The following ANTXR2 variants were observed in gnomAD, a reference collection of about 807,000 sequenced individuals.
ANTXR2 encodes ANTXR cell adhesion molecule 2.
A neutral mutation model predicts 73.7 loss-of-function variants in ANTXR2; 44 were observed. That is an observed-to-expected ratio of 0.60 (90% CI 0.47 to 0.77). The LOEUF is 0.77. ANTXR2 is among the 30% of genes least tolerant of loss of function. ANTXR2 has a pLI of 0.00. For missense variants in ANTXR2, 604 were observed against 592.5 expected (o/e 1.02, Z -0.20); for synonymous variants, 217 against 205.9 (o/e 1.05, Z -0.46).
intron 16 of ANTXR2, among the ~76,000 whole-genome samples, chr4:79,962,207 A>G (rs181717099): frequency 3.3e-5 from 5 of 152,300 alleles, no homozygotes; most frequent in Non-Finnish European, 1.5e-5. Context: ...AGTTCATGAT[A>G]TACACAGTGA....
intron 16 of ANTXR2, among the ~76,000 whole-genome samples, chr4:79,951,082 T>C (rs1454152791): frequency 6.6e-6 from 1 of 152,166 alleles, no homozygotes; most frequent in Admixed American, 6.6e-5. Flanking sequence ...AGATAATACT[T>C]GTAGGAAAAC....
At chr4:79,957,488 C>T (rs1248662117) in intron 16 of ANTXR2, among the ~76,000 whole-genome samples, 1 of 151,926 alleles carries the variant, frequency 6.6e-6, no homozygotes, top group Non-Finnish European at 1.5e-5. Flanking sequence ...TTGTAGAAAA[C>T]TTAAGAATAT....
intron 16 of ANTXR2, among the ~76,000 whole-genome samples, chr4:79,935,318 A>G (rs1317408438): frequency 2.2e-5 from 1 of 45,970 alleles, no homozygotes; most frequent in Non-Finnish European, 4.6e-5. Context: ...CACCCTCTCC[A>G]TTACTCCCTC....
At chr4:79,912,619 T>C (rs1165269846) in intron 16 of ANTXR2, among the ~76,000 whole-genome samples, 2 of 152,180 alleles carry the variant, frequency 1.3e-5, no homozygotes, top group South Asian at 2.1e-4. Context: ...AAGCAAAGTA[T>C]ATAAAAAATG....
chr4:79,990,383 C>CAAA (rs70944757), intron 12 of ANTXR2, among the ~76,000 whole-genome samples: 6,749 of 76,878 alleles, frequency 0.088, 851 homozygotes, highest in East Asian at 0.45. Flanking sequence ...ACAACAGTTA[C>CAAA]AAAAAAAAAA....
rs966157064 is a variant in ANTXR2, at chr4:80,052,953, A to G, written c.636+1319T>C. ...TTTGGAAACAATCCATCATCTGGGTAATTCTGAGCTAAACCTTTTAGATAT... is the reference window on the plus strand; with the variant it reads ...TTTGGAAACAATCCATCATCTGGGTGATTCTGAGCTAAACCTTTTAGATAT... On this transcript the variant is annotated intron_variant, in intron 7 of 16. Coordinates refer to ENST00000403729, the MANE Select transcript of ANTXR2 (RefSeq NM_058172.6). Among the ~76,000 whole-genome samples, 3 of 151,618 alleles carry G rather than the reference A, an allele frequency of 2.0e-5. 1 individual carries two copies. Among genetic ancestry groups the G allele is most frequent in the African/African-American group, 7.2e-5 (3 of 41,384 alleles).
chr4:79,913,612 T>C (rs1727232065), intron 16 of ANTXR2, among the ~76,000 whole-genome samples: 1 of 152,192 alleles, frequency 6.6e-6, no homozygotes, highest in Non-Finnish European at 1.5e-5. Context: ...ATAGAATATT[T>C]ATACCTCAGG....
chr4:80,014,847 C>A (rs761359430), intron 11 of ANTXR2, among the ~76,000 whole-genome samples: 1 of 152,142 alleles, frequency 6.6e-6, no homozygotes, highest in Non-Finnish European at 1.5e-5. Flanking sequence ...AGAAAGTTTA[C>A]TTTTCCTTTA....
chr4:80,036,073 T>A, intron 7 of ANTXR2, 41 bp from the exon 8 acceptor site: 1 of 1,417,840 alleles, frequency 7.1e-7, no homozygotes, highest in Non-Finnish European at 9.4e-7. Context: ...GCTATAGATC[T>A]AAAATTACAA....
rs552124740 is a variant in ANTXR2 at position 80,033,922 on chromosome 4, G to GA, written c.698-353dup. Among the ~76,000 whole-genome samples, 179 of 152,076 alleles carry GA rather than the reference G, an allele frequency of 1.2e-3. 1 individual carries two copies. The highest frequency in any genetic ancestry group is 2.4e-3 in the Admixed American group (36 of 15,240). The stretch of plus-strand genomic sequence containing the variant: ...TCTATCCTTAGGAAAATACCAGGGG[G>GA]AAAAAACTTTGTTTTTCCCTACTCT... On this transcript the variant is annotated intron_variant, in intron 8 of 16. Transcript: ENST00000403729.
In ANTXR2 at chr4:79,901,416, G is replaced by C. The variant is rs1726696557; in HGVS notation, c.*6013C>G. The C allele has an allele frequency of 6.6e-6, 1 of 151,924 alleles. No individual in the cohort carries two copies. The highest frequency in any genetic ancestry group is 3.4e-3 in the Middle Eastern group (1 of 294). 9.4% of individuals were successfully genotyped at this position (151,924 alleles called of 1,614,324 possible). On this transcript the variant is annotated 3_prime_UTR_variant, in exon 17 of 17. Transcript: ENST00000403729. ...ATCATTTATTACTTTGGAAGCTTTT[G>C]GTTTCTTTGTTTGGCATCTAAATTG...
Position 80,033,001 on chromosome 4 carries a change from CA to C in ANTXR2, c.796+470del, listed in dbSNP as rs920180465. Among the ~76,000 whole-genome samples the C allele has an allele frequency of 1.1e-3, 156 of 145,072 alleles. 1 individual carries two copies. The highest frequency in any genetic ancestry group is 3.3e-3 in the African/African-American group (129 of 39,512). On this transcript the variant is annotated intron_variant, in intron 9 of 16. Coordinates refer to ENST00000403729, the MANE Select transcript of ANTXR2 (RefSeq NM_058172.6). ...GAAATTAGATAAAGAAAACAAGTGA[CA>C]AAAAAAAAGAAAGAAAAAAAGGAAC... is the stretch of plus-strand genomic sequence containing the variant.
intron 12 of ANTXR2, among the ~76,000 whole-genome samples, chr4:80,002,133 G>A (rs1371814057): frequency 6.6e-6 from 1 of 152,118 alleles, no homozygotes; most frequent in Non-Finnish European, 1.5e-5. Flanking sequence ...CAAAGCTGGA[G>A]GCATCACGCT....
chr4:79,999,666 TTTA>T (rs1730924008), intron 12 of ANTXR2, among the ~76,000 whole-genome samples: 1 of 152,112 alleles, frequency 6.6e-6, no homozygotes, highest in African/African-American at 2.4e-5. Flanking sequence ...TGTATGTTTC[TTTA>T]TTAACTCATT....
intron 12 of ANTXR2, among the ~76,000 whole-genome samples, chr4:79,997,754 A>G (rs549050526): frequency 2.8e-4 from 42 of 152,094 alleles, no homozygotes; most frequent in Non-Finnish European, 4.9e-4. Context: ...ATGAGAACTA[A>G]GAAGAACAGT....
At chr4:79,958,848 T>C (rs4293745) in intron 16 of ANTXR2, among the ~76,000 whole-genome samples, 16,060 of 152,086 alleles carry the variant, frequency 0.11, 2,751 homozygotes, top group African/African-American at 0.36. Context: ...CCAGTGTTTC[T>C]GTAAACTGGA....
At chr4:79,952,663 A>C (rs1363801780) in intron 16 of ANTXR2, among the ~76,000 whole-genome samples, 1 of 151,874 alleles carries the variant, frequency 6.6e-6, no homozygotes, top group Admixed American at 6.6e-5. Flanking sequence ...CCAAAATTTC[A>C]CTTGTTTATT....
chr4:80,033,030 G>C (rs1397914775), intron 9 of ANTXR2, among the ~76,000 whole-genome samples: 1 of 151,900 alleles, frequency 6.6e-6, no homozygotes, highest in Non-Finnish European at 1.5e-5. Flanking sequence ...AAAGGAACAA[G>C]TAGGAGAGAA....
intron 16 of ANTXR2, among the ~76,000 whole-genome samples, chr4:79,926,866 C>CATATATGTGTGT (rs1727799498): frequency 1.6e-5 from 2 of 123,860 alleles, no homozygotes; most frequent in South Asian, 2.7e-4. Flanking sequence ...GAAATTGTGG[C>CATATATGTGTGT]ATATATATGT....
Sources: allele counts gnomAD v4.1 joint callset (sites outside exome capture counted in the v4.1 genomes callset), GRCh38; gene constraint gnomAD v4.1.1; transcripts MANE v1.5; gene names NCBI Gene and HGNC (gene_info 2026-07-23, HGNC 2026-07-21).